Variants in PARD3B observed in about 807,000 individuals in gnomAD.
PARD3B encodes the protein par-3 family cell polarity regulator beta.
In PARD3B, 103 loss-of-function variants were observed where a neutral mutation model predicts 130.2. That is an observed-to-expected ratio of 0.79 (90% CI 0.67 to 0.93). The LOEUF (loss-of-function observed/expected upper bound fraction) is 0.93, where lower values mean the gene tolerates loss of function less well. Ranked by LOEUF, PARD3B falls within the 40% of genes least tolerant of loss-of-function variation. PARD3B has a pLI of 0.00. For missense variants in PARD3B, 1,609 were observed against 1,499.2 expected (o/e 1.07, Z -1.21); for synonymous variants, 583 against 553.2 (o/e 1.05, Z -0.76).
At position 204,997,044 on chromosome 2, in the gene PARD3B, C is replaced by T. The variant is rs192216832; in HGVS notation, c.394+31721C>T. Among the ~76,000 whole-genome samples, 55 of 152,268 alleles carry T rather than the reference C, an allele frequency of 3.6e-4. No homozygotes were observed. The East Asian group carries it at 7.9e-3, about 22-fold the overall frequency. ...AAATGCAGAAATCACCCGTCTTCTG[C>T]GTCGCTCACGCTGGGAGCTGTAGAC... On this transcript the variant is annotated intron_variant, in intron 3 of 22. Transcript: ENST00000406610.
intron 18 of PARD3B, among the ~76,000 whole-genome samples, chr2:205,373,822 C>G (rs550536912): frequency 5.9e-5 from 9 of 152,328 alleles, no homozygotes; most frequent in African/African-American, 2.2e-4. Context: ...TGGCTTACCC[C>G]TTGCTCTGTT....
chr2:205,083,042 C>T (rs1366129483), intron 4 of PARD3B, among the ~76,000 whole-genome samples: 1 of 151,616 alleles, frequency 6.6e-6, no homozygotes, highest in Admixed American at 6.6e-5. Flanking sequence ...GCCTCAGCCT[C>T]CCAAGTTGCT....
chr2:205,038,425 T>C (rs1263639327), intron 3 of PARD3B, among the ~76,000 whole-genome samples: 10 of 152,186 alleles, frequency 6.6e-5, no homozygotes, highest in Admixed American at 6.5e-4. Flanking sequence ...AGTGCATATC[T>C]GAGACCTGGC....
intron 2 of PARD3B, among the ~76,000 whole-genome samples, chr2:204,795,723 G>A (rs535080483): frequency 1.3e-5 from 2 of 152,090 alleles, no homozygotes; most frequent in African/African-American, 4.8e-5. Context: ...ATTTAAGCTC[G>A]TATTGAGACA....
intron 10 of PARD3B, among the ~76,000 whole-genome samples, chr2:205,126,243 C>CA (rs1400288083): frequency 6.6e-6 from 1 of 152,088 alleles, no homozygotes; most frequent in African/African-American, 2.4e-5. Context: ...AAGATGAGTT[C>CA]AAAAGCCTTA....
rs7569350 is a variant in PARD3B at position 205,568,012 on chromosome 2, A to C, written c.3260+14609A>C. On this transcript the variant is annotated intron_variant, in intron 22 of 22. Transcript: ENST00000406610. This position sits in a 1 kb window ranked among gnomAD's most constrained non-coding sequence, Gnocchi z 5.3. The stretch of plus-strand genomic sequence containing the variant: ...TTGGTCCCATTTGTCATTGGTTAAG[A>C]GTTGTTCCTAAGATATCAACTCCCC... 6.6e-6 allele frequency among the ~76,000 whole-genome samples: 1 copy of C among 151,926 alleles called. No homozygotes were observed. The highest frequency in any genetic ancestry group is 1.5e-5 in the Non-Finnish European group (1 of 67,976).
chr2:204,964,614 A>T (rs1691062822), intron 2 of PARD3B, among the ~76,000 whole-genome samples: 2 of 152,210 alleles, frequency 1.3e-5, no homozygotes, highest in Admixed American at 6.5e-5. Context: ...TTTATGCAAG[A>T]TCAGCACAAA....
chr2:205,551,488 G>C (rs551758181), intron 21 of PARD3B, among the ~76,000 whole-genome samples: 3 of 151,942 alleles, frequency 2.0e-5, no homozygotes, highest in Non-Finnish European at 4.4e-5. Flanking sequence ...TTAAAGATGT[G>C]AAGTCTTCGT....
intron 2 of PARD3B, among the ~76,000 whole-genome samples, chr2:204,849,476 T>C (rs926762881): frequency 1.3e-5 from 2 of 152,222 alleles, no homozygotes; most frequent in Non-Finnish European, 2.9e-5. Context: ...CTAACTAATA[T>C]GAGAAGAATC....
chr2:205,206,792 A>G (rs1441837178), intron 15 of PARD3B, among the ~76,000 whole-genome samples: 2 of 151,964 alleles, frequency 1.3e-5, no homozygotes, highest in Non-Finnish European at 2.9e-5. Flanking sequence ...CCCACTGTCA[A>G]CATTAGACAG....
At chr2:204,551,284 T>C (rs10203606) in intron 1 of PARD3B, among the ~76,000 whole-genome samples, 17,281 of 152,186 alleles carry the variant, frequency 0.11, 1,821 homozygotes, top group African/African-American at 0.28. Context: ...AAAAGCAAAT[T>C]GGAAGCTCTG....
chr2:205,083,730 G>A lies in PARD3B; in HGVS notation c.505-20696G>A, dbSNP rs541089406. On this transcript the variant is annotated intron_variant, in intron 4 of 22. Transcript: ENST00000406610. ...TTCATGTCTTCTTTTCATTTCTTTA[G>A]GCTTATTTTTTAGTGTTTTCAACAC... 4.7e-5 allele frequency among the ~76,000 whole-genome samples: 7 copies of A among 150,356 alleles called. No homozygotes were observed. In the South Asian group the frequency reaches 1.5e-3, roughly 32 times the overall value.
rs2668145 is a variant in PARD3B at position 205,366,374 on chromosome 2, A to G, written c.2631-34639A>G. 0.79 allele frequency among the ~76,000 whole-genome samples: 119,640 copies of G among 151,898 alleles called. 48,031 individuals are homozygous for G. Among genetic ancestry groups the G allele is most frequent in the Admixed American group, 0.89 (13,573 of 15,280 alleles). ...GTGCAGTGCTTACATGGACAGAGGT[A>G]AAGAATTTCCTACTTATATTCGATG... On this transcript the variant is annotated intron_variant, in intron 18 of 22. Coordinates refer to ENST00000406610, the MANE Select transcript of PARD3B (RefSeq NM_001302769.2). The surrounding 1 kb of genome is among the most constrained non-coding windows in gnomAD (Gnocchi z 5.0).
At chr2:204,884,294 A>G (rs950926590) in intron 2 of PARD3B, among the ~76,000 whole-genome samples, 1 of 152,358 alleles carries the variant, frequency 6.6e-6, no homozygotes, top group East Asian at 1.9e-4. Flanking sequence ...CTTGACTAAG[A>G]AAAAAGGAAA....
At position 204,669,164 on chromosome 2, in the gene PARD3B, G is replaced by A. The variant is rs533160034; in HGVS notation, c.121-17017G>A. Among the ~76,000 whole-genome samples the A allele has an allele frequency of 1.3e-5, 2 of 152,062 alleles. No individual in the cohort carries two copies. Among genetic ancestry groups the A allele is most frequent in the African/African-American group, 4.8e-5 (2 of 41,414 alleles). ...CTAAGTTGGTAGGTAATTTGTAACC[G>A]GAGAAATAGGAAACCAGTAGAACCC... is the stretch of plus-strand genomic sequence containing the variant. On this transcript the variant is annotated intron_variant, in intron 1 of 22. Transcript: ENST00000406610. The surrounding 1 kb of genome is among the most constrained non-coding windows in gnomAD (Gnocchi z 4.3).
chr2:205,073,864 T>C (rs1700885567), intron 4 of PARD3B, among the ~76,000 whole-genome samples: 1 of 152,286 alleles, frequency 6.6e-6, no homozygotes, highest in African/African-American at 2.4e-5. Context: ...CCCCAGTGTT[T>C]TGTAGTTTCA....
chr2:204,564,906 A>G (rs2031576267), intron 1 of PARD3B, among the ~76,000 whole-genome samples: 1 of 152,240 alleles, frequency 6.6e-6, no homozygotes, highest in African/African-American at 2.4e-5. Context: ...TCTTGCTTAA[A>G]AATACATTTA....
chr2:205,039,533 G>A (rs553628085), intron 3 of PARD3B, among the ~76,000 whole-genome samples: 144 of 151,408 alleles, frequency 9.5e-4, no homozygotes, highest in African/African-American at 3.2e-3. Context: ...GCAGTGGCGT[G>A]ATCTCAGCTC....
chr2:205,120,448 G>A lies in PARD3B; in HGVS notation c.807-1143G>A, dbSNP rs561407387. On this transcript the variant is annotated intron_variant, in intron 7 of 22. Coordinates refer to ENST00000406610, the MANE Select transcript of PARD3B (RefSeq NM_001302769.2). ...TTAAGCACTTCAGAAAGGGGGGTGC[G>A]GGGTAGGGTTTAAGGAATCAGATTG... 2.0e-3 allele frequency among the ~76,000 whole-genome samples: 297 copies of A among 152,258 alleles called. 1 individual carries two copies. Among genetic ancestry groups the A allele is most frequent in the African/African-American group, 6.4e-3 (268 of 41,552 alleles).
Sources: allele counts gnomAD v4.1 joint callset (sites outside exome capture counted in the v4.1 genomes callset), GRCh38; gene constraint gnomAD v4.1.1; non-coding constraint Gnocchi (gnomAD v3.1); transcripts MANE v1.5; gene names NCBI Gene and HGNC (gene_info 2026-07-23, HGNC 2026-07-21).